UMAD1: variants seen among roughly 807,000 people sequenced by gnomAD.
The protein encoded by UMAD1 is UBAP1-MVB12-associated (UMA)-domain containing protein 1.
UMAD1 carries 8 observed loss-of-function variants against 6.1 expected under a neutral mutation model. The ratio of observed to expected loss-of-function variants is 1.30; its 90% CI spans 0.76 to 2.35. UMAD1 has a LOEUF of 2.35. Among genes scored for constraint, UMAD1 ranks in the 30% most tolerant of loss-of-function variants. The pLI, the probability that UMAD1 is intolerant of heterozygous loss-of-function variation, is 0.00. For synonymous variants in UMAD1, 56 were observed against 31.4 expected (o/e 1.78, Z -2.61); for missense variants, 130 against 78.4 (o/e 1.66, Z -2.49).
chr7:7,675,761 C>T (rs1031935525), intron 2 of UMAD1, among the ~76,000 whole-genome samples: 1 of 152,102 alleles, frequency 6.6e-6, no homozygotes, highest in Admixed American at 6.5e-5. Context: ...TGAGGAATCA[C>T]TTCCGTCGTA....
intron 3 of UMAD1, among the ~76,000 whole-genome samples, chr7:7,804,458 A>G (rs1387777594): frequency 6.6e-6 from 1 of 152,158 alleles, no homozygotes; most frequent in Non-Finnish European, 1.5e-5. Context: ...GGATTGCCTG[A>G]GCTCCGGAGT....
At chr7:7,738,007 A>C (rs1180675492) in intron 2 of UMAD1, among the ~76,000 whole-genome samples, 1 of 152,242 alleles carries the variant, frequency 6.6e-6, no homozygotes, top group Non-Finnish European at 1.5e-5. Flanking sequence ...CAGACAGCAT[A>C]ACCTAGTTTT....
At chr7:7,720,244 C>G (rs1278287082) in intron 2 of UMAD1, among the ~76,000 whole-genome samples, 1 of 152,098 alleles carries the variant, frequency 6.6e-6, no homozygotes, top group Non-Finnish European at 1.5e-5. Flanking sequence ...ATAAAAGTCA[C>G]AAACTATACA....
intron 2 of UMAD1, among the ~76,000 whole-genome samples, chr7:7,707,059 G>A (rs980924581): frequency 1.3e-5 from 2 of 152,116 alleles, no homozygotes; most frequent in African/African-American, 4.8e-5. Context: ...TAATTAATTA[G>A]CATTGAGGAG....
intron 1 of UMAD1, among the ~76,000 whole-genome samples, chr7:7,672,640 G>T (rs191440826): frequency 6.6e-6 from 1 of 152,056 alleles, no homozygotes; most frequent in Non-Finnish European, 1.5e-5. Flanking sequence ...TTTTATAAGG[G>T]GCTTGGCACT....
chr7:7,823,056 C>A (rs1783270900), intron 3 of UMAD1, among the ~76,000 whole-genome samples: 1 of 151,980 alleles, frequency 6.6e-6, no homozygotes, highest in Non-Finnish European at 1.5e-5. Flanking sequence ...TAGGAGTGCT[C>A]CTCCCTTGAT....
In UMAD1 at chr7:7,824,735, C is replaced by T. The variant is rs113054036; in HGVS notation, c.156+22992C>T. ...CTAGTACTAACCCACAAATAACAAG[C>T]ACTTGAGAAATGTTTGAGTGCCTGA... On this transcript the variant is annotated intron_variant, in intron 3 of 3. Coordinates refer to ENST00000682710, the MANE Select transcript of UMAD1 (RefSeq NM_001302348.2). Among the ~76,000 whole-genome samples the T allele has an allele frequency of 9.2e-5, 14 of 152,198 alleles. 1 individual carries two copies. Among genetic ancestry groups the T allele is most frequent in the African/African-American group, 3.4e-4 (14 of 41,528 alleles).
chr7:7,666,774 C>T (rs1452104925), intron 1 of UMAD1, among the ~76,000 whole-genome samples: 31 of 152,008 alleles, frequency 2.0e-4, no homozygotes, highest in Non-Finnish European at 5.9e-5. Context: ...GGAATTTTCT[C>T]CCATTTTTGT....
chr7:7,664,078 A>G (rs1779369340), intron 1 of UMAD1, among the ~76,000 whole-genome samples: 1 of 152,220 alleles, frequency 6.6e-6, no homozygotes, highest in Non-Finnish European at 1.5e-5. Context: ...ATTTGTAAAC[A>G]TCGTGAATTT....
rs1563281425 is a variant in UMAD1 at position 7,877,672 on chromosome 7, T to C, written c.*134T>C. The C allele has an allele frequency of 1.7e-6, 1 of 602,222 alleles. No individual in the cohort carries two copies. The highest frequency in any genetic ancestry group is 2.8e-5 in the East Asian group (1 of 36,308). 37.3% of individuals were successfully genotyped at this position (602,222 alleles called of 1,614,324 possible). On this transcript the variant is annotated 3_prime_UTR_variant, in exon 4 of 4. Coordinates refer to ENST00000682710, the MANE Select transcript of UMAD1 (RefSeq NM_001302348.2). ...ATAAAGCAAAGAAAATAGCATTATG[T>C]TCACTACTCTATTTTTAAGAAAAAG... is the stretch of plus-strand genomic sequence containing the variant.
At chr7:7,770,848 A>G (rs1782086551) in intron 2 of UMAD1, among the ~76,000 whole-genome samples, 1 of 152,148 alleles carries the variant, frequency 6.6e-6, no homozygotes, top group Non-Finnish European at 1.5e-5. Context: ...ATCTAGTTGG[A>G]GAAATCAGGT....
Position 7,662,163 on chromosome 7 carries a change from C to G in UMAD1, c.-63-11146C>G, listed in dbSNP as rs534517479. 2.0e-4 allele frequency among the ~76,000 whole-genome samples: 30 copies of G among 152,282 alleles called. 1 individual carries two copies. Among genetic ancestry groups the G allele is most frequent in the Admixed American group, 1.7e-3 (26 of 15,302 alleles). ...GTAATGGCAGATGCCCTTCCCCCCA[C>G]CAAGCTCGAGTGTCCCAGGTCAGCT... On this transcript the variant is annotated intron_variant, in intron 1 of 3. Transcript: ENST00000682710.
intron 3 of UMAD1, among the ~76,000 whole-genome samples, chr7:7,875,520 C>T (rs1226410498): frequency 1.3e-5 from 2 of 152,168 alleles, no homozygotes; most frequent in African/African-American, 4.8e-5. Context: ...CACCACTGAT[C>T]CCACAGAAAT....
At chr7:7,814,358 G>T (rs1224810353) in intron 3 of UMAD1, among the ~76,000 whole-genome samples, 1 of 152,036 alleles carries the variant, frequency 6.6e-6, no homozygotes, top group Non-Finnish European at 1.5e-5. Context: ...TGTAAATTTT[G>T]TGCCTAACTT....
intron 2 of UMAD1, among the ~76,000 whole-genome samples, chr7:7,789,625 C>CG (rs1229386605): frequency 6.6e-6 from 1 of 150,470 alleles, no homozygotes; most frequent in African/African-American, 2.5e-5. Flanking sequence ...CTTCTCCCCT[C>CG]CCCACAGACC....
chr7:7,827,884 A>T (rs1563239803), intron 3 of UMAD1, among the ~76,000 whole-genome samples: 1 of 152,186 alleles, frequency 6.6e-6, no homozygotes, highest in Non-Finnish European at 1.5e-5. Flanking sequence ...GGAAATATAT[A>T]AATATGTTTA....
chr7:7,759,937 C>G (rs1194542908), intron 2 of UMAD1, among the ~76,000 whole-genome samples: 1 of 152,062 alleles, frequency 6.6e-6, no homozygotes, highest in African/African-American at 2.4e-5. Flanking sequence ...TGACACTCTC[C>G]CATTGAAAAG....
chr7:7,844,241 T>G (rs1783740688), intron 3 of UMAD1, among the ~76,000 whole-genome samples: 1 of 152,174 alleles, frequency 6.6e-6, no homozygotes, highest in Non-Finnish European at 1.5e-5. Flanking sequence ...AATCTGAATC[T>G]CAGAGTGGAA....
chr7:7,792,734 C>T (rs1337247302), intron 2 of UMAD1, among the ~76,000 whole-genome samples: 1 of 152,214 alleles, frequency 6.6e-6, no homozygotes, highest in African/African-American at 2.4e-5. Context: ...ATACCATAAA[C>T]CGCGTGGCTT....
Sources: gnomAD v4.1 joint callset for allele counts (sites outside exome capture counted in the v4.1 genomes callset) on GRCh38, gnomAD v4.1.1 for gene constraint, MANE v1.5 for transcripts, NCBI Gene and HGNC (gene_info 2026-07-23, HGNC 2026-07-21) for gene names.